The following GAN variants were observed in gnomAD, a reference collection of about 807,000 sequenced individuals.
GAN encodes the protein epididymis secretory sperm binding protein.
In GAN, 48 loss-of-function variants were observed where a neutral mutation model predicts 71.3. The observed-to-expected ratio is 0.67, with a 90% CI of 0.53 to 0.86. The LOEUF (loss-of-function observed/expected upper bound fraction) is 0.86. Among genes scored for constraint, GAN ranks in the 40% least tolerant of loss-of-function variants. The probability of loss-of-function intolerance (pLI) is 0.00; values close to 1 mark genes in which losing one functional copy is unlikely to be tolerated. For missense variants in GAN, 928 were observed against 770.1 expected (o/e 1.21, Z -2.43); for synonymous variants, 386 against 276.8 (o/e 1.39, Z -3.92).
intron 5 of GAN, 141 bp from the exon 6 acceptor site, chr16:81,362,358 G>A (rs1910703060): frequency 1.4e-6 from 1 of 696,090 alleles, no homozygotes; most frequent in South Asian, 1.5e-5. Context: ...GGATCCAATG[G>A]GATGTGATAA....
chr16:81,334,690 A>C (rs1189239084), intron 1 of GAN, among the ~76,000 whole-genome samples: 1 of 152,182 alleles, frequency 6.6e-6, no homozygotes, highest in Non-Finnish European at 1.5e-5. Context: ...ATGGAGAGAA[A>C]GTATCCCCTT....
rs564968606 is a variant in GAN, at chr16:81,388,410, TGA to T, written c.*10818_*10819del. On this transcript the variant is annotated 3_prime_UTR_variant, in exon 11 of 11. Transcript: ENST00000648994. Reference sequence around the variant, plus strand: ...TTCCACAACCAGCTGGCCCTGGCTGTGAGAGTCAGATCTGTCCCCAAGGCTCC... The same window carrying T: ...TTCCACAACCAGCTGGCCCTGGCTGTGAGTCAGATCTGTCCCCAAGGCTCC... 1.9e-3 allele frequency: 288 copies of T among 152,582 alleles called. No homozygotes were observed. Among genetic ancestry groups the T allele is most frequent in the Middle Eastern group, 3.3e-3 (1 of 300 alleles). 9.5% of individuals were successfully genotyped at this position (152,582 alleles called of 1,614,324 possible).
chr16:81,365,244 G>T, intron 8 of GAN, 106 bp from the exon 9 acceptor site: 4 of 1,562,606 alleles, frequency 2.6e-6, no homozygotes, highest in Non-Finnish European at 3.5e-6. Context: ...GAGAAAGGAA[G>T]GCCCACGTAG....
At position 81,377,661 on chromosome 16, in the gene GAN, G is replaced by A; in HGVS notation, c.*65G>A. ...CACCATAACATAGCTCCGAAAGGGA[G>A]AGCAGAGATGGCAGCTGAAACTCAC... is the stretch of plus-strand genomic sequence containing the variant. On this transcript the variant is annotated 3_prime_UTR_variant, in exon 11 of 11. Transcript: ENST00000648994. 4 of 1,394,904 alleles carry A rather than the reference G, an allele frequency of 2.9e-6. No homozygotes were observed. Among genetic ancestry groups the A allele is most frequent in the Non-Finnish European group, 4.1e-6 (4 of 981,456 alleles). 86.4% of individuals were successfully genotyped at this position (1,394,904 alleles called of 1,614,324 possible). A position where few individuals can be genotyped will look rare whatever the true frequency, so the allele number is the denominator to read the frequency against.
At chr16:81,355,330 C>T (rs576053644) in intron 3 of GAN, among the ~76,000 whole-genome samples, 1 of 152,108 alleles carries the variant, frequency 6.6e-6, no homozygotes, top group South Asian at 2.1e-4. Flanking sequence ...TTGTGAATAC[C>T]TTGGAGGAAG....
At chr16:81,369,449 G>A (rs714064) in intron 9 of GAN, among the ~76,000 whole-genome samples, 97,120 of 152,092 alleles carry the variant, frequency 0.64, 31,115 homozygotes, top group East Asian at 0.75. Context: ...AGTGGATCTC[G>A]GAAAATCTTG....
chr16:81,344,749 C>G (rs1052451832), intron 1 of GAN, among the ~76,000 whole-genome samples: 1 of 152,026 alleles, frequency 6.6e-6, no homozygotes, highest in Non-Finnish European at 1.5e-5. Flanking sequence ...AAGCCAAAAA[C>G]GACAAATGGG....
rs556374516 is a variant in GAN at position 81,368,243 on chromosome 16, C to T, written c.1502+2765C>T. On this transcript the variant is annotated intron_variant, in intron 9 of 10. Transcript: ENST00000648994. ...ACCCAGAATGACGGTTTCTCTATTT[C>T]TGTTCCTTGTGTCCATATTCTGTTA... Among the ~76,000 whole-genome samples, 10 of 152,332 alleles carry T rather than the reference C, an allele frequency of 6.6e-5. No homozygotes were observed. The East Asian group carries it at 1.7e-3, about 26-fold the overall frequency.
At chr16:81,375,339 C>CTTTTTTT (rs59775874) in intron 9 of GAN, among the ~76,000 whole-genome samples, 1 of 104,120 alleles carries the variant, frequency 9.6e-6, no homozygotes, top group African/African-American at 3.8e-5. Context: ...TTTAATTTAT[C>CTTTTTTT]TTTTTTTTTT....
intron 5 of GAN, among the ~76,000 whole-genome samples, chr16:81,360,015 TTGGATGGATGGA>T (rs796153000): frequency 5.1e-5 from 5 of 98,714 alleles, no homozygotes; most frequent in African/African-American, 1.4e-4. Context: ...TTGATATATG[TTGGATGGATGGA>T]TGGATGGATG....
intron 1 of GAN, among the ~76,000 whole-genome samples, chr16:81,348,604 A>C (rs1039082300): frequency 1.3e-5 from 2 of 152,252 alleles, no homozygotes; most frequent in Admixed American, 1.3e-4. Flanking sequence ...GGCCCTGTCC[A>C]GCCATGAGCC....
At chr16:81,377,009 C>G (rs531279692) in intron 9 of GAN, among the ~76,000 whole-genome samples, 1 of 152,262 alleles carries the variant, frequency 6.6e-6, no homozygotes, top group East Asian at 1.9e-4. Flanking sequence ...CTGTTTATGA[C>G]TCAATACATG....
In GAN at chr16:81,382,026, T is replaced by C. The variant is rs1904307950; in HGVS notation, c.*4430T>C. The C allele has an allele frequency of 6.6e-6, 1 of 152,202 alleles. No homozygotes were observed. The highest frequency in any genetic ancestry group is 1.9e-4 in the East Asian group (1 of 5,196). The allele number at this position is 152,202 out of a possible 1,614,324, so 9.4% of individuals were successfully genotyped here. ...TCTATAGACTCAGCACAGCTTATAA[T>C]GTTGATCATGTTTAGTATTGGGCTT... On this transcript the variant is annotated 3_prime_UTR_variant, in exon 11 of 11. Transcript: ENST00000648994.
Position 81,382,011 on chromosome 16 carries a change from C to G in GAN, c.*4415C>G, listed in dbSNP as rs998151467. On this transcript the variant is annotated 3_prime_UTR_variant, in exon 11 of 11. Coordinates refer to ENST00000648994, the MANE Select transcript of GAN (RefSeq NM_022041.4). ...GGGACTATGAGACCCTCTATAGACT[C>G]AGCACAGCTTATAATGTTGATCATG... 3 of 152,160 alleles carry G rather than the reference C, an allele frequency of 2.0e-5. No homozygotes were observed. The highest frequency in any genetic ancestry group is 7.2e-5 in the African/African-American group (3 of 41,426). 9.4% of individuals were successfully genotyped at this position (152,160 alleles called of 1,614,324 possible).
intron 10 of GAN, 25 bp from the exon 11 acceptor site, chr16:81,377,390 A>G (rs1319782322): frequency 1.2e-6 from 2 of 1,610,132 alleles, no homozygotes; most frequent in Admixed American, 3.3e-5. Flanking sequence ...ACATTTTCTC[A>G]CCCTTGCTTA....
intron 3 of GAN, among the ~76,000 whole-genome samples, chr16:81,356,307 A>T (rs1910484096): frequency 6.6e-6 from 1 of 151,930 alleles, no homozygotes; most frequent in Non-Finnish European, 1.5e-5. Context: ...ATTATATAGT[A>T]CTCAGGTTTT....
At chr16:81,336,714 G>A (rs1909774800) in intron 1 of GAN, among the ~76,000 whole-genome samples, 2 of 151,752 alleles carry the variant, frequency 1.3e-5, no homozygotes, top group Admixed American at 1.3e-4. Context: ...CTAGGCTCAA[G>A]TGATTCTCCC....
At chr16:81,326,830 T>C (rs967804993) in intron 1 of GAN, among the ~76,000 whole-genome samples, 1 of 152,178 alleles carries the variant, frequency 6.6e-6, no homozygotes, top group Non-Finnish European at 1.5e-5. Context: ...AAATATGGCA[T>C]GATAATCTTA....
intron 6 of GAN, among the ~76,000 whole-genome samples, chr16:81,363,542 G>A (rs754668416): frequency 6.6e-6 from 1 of 152,196 alleles, no homozygotes; most frequent in East Asian, 1.9e-4. Context: ...TACATGTGCA[G>A]GTTTGTTATG....
Sources: gnomAD v4.1 joint callset for allele counts (sites outside exome capture counted in the v4.1 genomes callset) on GRCh38, gnomAD v4.1.1 for gene constraint, MANE v1.5 for transcripts, NCBI Gene and HGNC (gene_info 2026-07-23, HGNC 2026-07-21) for gene names.